MIPOL1: variants seen among roughly 807,000 people sequenced by gnomAD.
MIPOL1 encodes the protein mirror-image polydactyly gene 1 protein.
MIPOL1 carries 57 observed loss-of-function variants against 60.9 expected under a neutral mutation model. The observed-to-expected ratio is 0.94, with a 90% confidence interval of 0.76 to 1.17. MIPOL1 has a LOEUF of 1.17. MIPOL1 is among the 50% of genes most tolerant of loss of function. The pLI, the probability that MIPOL1 is intolerant of heterozygous loss-of-function variation, is 0.00. For synonymous variants in MIPOL1, 179 were observed against 168.8 expected, an observed-to-expected ratio of 1.06 and a Z score of -0.47; for missense variants, 551 against 511.6, an observed-to-expected ratio of 1.08 and a Z score of -0.74.
At chr14:37,441,627 T>C (rs966059613) in intron 11 of MIPOL1, among the ~76,000 whole-genome samples, 1 of 152,212 alleles carries the variant, frequency 6.6e-6, no homozygotes, top group African/African-American at 2.4e-5. Context: ...GCTGTTTTCG[T>C]TACTATAGCC....
intron 7 of MIPOL1, among the ~76,000 whole-genome samples, chr14:37,287,738 A>G (rs186919864): frequency 6.4e-4 from 97 of 152,290 alleles, no homozygotes; most frequent in Middle Eastern, 3.4e-3. Context: ...TGAGACTGAA[A>G]AAAAAGGTGT....
At chr14:37,219,275 G>A (rs1392326683) in intron 1 of MIPOL1, among the ~76,000 whole-genome samples, 1 of 152,220 alleles carries the variant, frequency 6.6e-6, no homozygotes, top group Non-Finnish European at 1.5e-5. Context: ...TGCAGAGACA[G>A]ACACAGAAAC....
In MIPOL1 at chr14:37,270,408, A is replaced by T. The variant is rs377432855; in HGVS notation, c.388-12A>T. 2 of 1,403,114 alleles carry T rather than the reference A, an allele frequency of 1.4e-6. No individual in the cohort carries two copies. Among genetic ancestry groups the T allele is most frequent in the Admixed American group, 2.3e-5 (1 of 42,758 alleles). 86.9% of individuals were successfully genotyped at this position (1,403,114 alleles called of 1,614,324 possible). The stretch of plus-strand genomic sequence containing the variant: ...CAAATAAGAATCCATGATTTTTTTC[A>T]ATGTGCTTTAGCTTCAGCAGAAATT... On this transcript the variant is annotated splice_polypyrimidine_tract_variant and intron_variant, in intron 5 of 12. Transcript: ENST00000684589.
intron 1 of MIPOL1, among the ~76,000 whole-genome samples, chr14:37,214,810 G>A (rs960252108): frequency 9.9e-5 from 15 of 152,062 alleles, no homozygotes; most frequent in African/African-American, 2.9e-4. Flanking sequence ...ATTACCAAGC[G>A]GACCGTGGTC....
chr14:37,276,004 A>T (rs1212745427), intron 6 of MIPOL1, among the ~76,000 whole-genome samples: 1 of 151,214 alleles, frequency 6.6e-6, no homozygotes, highest in African/African-American at 2.4e-5. Context: ...GAGAAGATGA[A>T]TTTGAGATCC....
At chr14:37,337,342 ATATATATATATATATTTTTT>A (rs2090207962) in intron 9 of MIPOL1, among the ~76,000 whole-genome samples, 2 of 22,358 alleles carry the variant, frequency 8.9e-5, no homozygotes, top group African/African-American at 4.6e-4. Flanking sequence ...ATATATATAT[ATATATATATATATATTTTTT>A]TTTTTTTTTT....
intron 7 of MIPOL1, among the ~76,000 whole-genome samples, chr14:37,288,475 T>C (rs1419964099): frequency 6.6e-6 from 1 of 152,074 alleles, no homozygotes; most frequent in East Asian, 1.9e-4. Flanking sequence ...TTAGGTTAAT[T>C]TATAGCTACT....
At chr14:37,350,014 T>C (rs1046293828) in intron 9 of MIPOL1, among the ~76,000 whole-genome samples, 1 of 152,200 alleles carries the variant, frequency 6.6e-6, no homozygotes, top group Non-Finnish European at 1.5e-5. Flanking sequence ...TTAATTTACA[T>C]TTGGTAAACA....
intron 9 of MIPOL1, among the ~76,000 whole-genome samples, chr14:37,342,594 C>T (rs2090651589): frequency 6.6e-6 from 1 of 151,896 alleles, no homozygotes; most frequent in African/African-American, 2.4e-5. Context: ...GACAGGGTTT[C>T]ACCATGTTGG....
At position 37,546,968 on chromosome 14, in the gene MIPOL1, C is replaced by A. The variant is rs769505711; in HGVS notation, c.1326C>A (p.Ile442=). ...KVGTGTMRTV[I] ...GAACCGGGACCATGAGGACAGTGAT[C>A]TGATTGAAAAAAAACGACAGTCTGG... is the stretch of plus-strand genomic sequence containing the variant. Residue 442 remains isoleucine (I), a synonymous_variant, in exon 13 of 13, where the codon ATC becomes ATA. Transcript: ENST00000684589. The A allele has an allele frequency of 4.0e-5, 64 of 1,607,912 alleles. No homozygotes were observed. The highest frequency in any genetic ancestry group is 5.4e-5 in the Non-Finnish European group (63 of 1,175,746).
intron 5 of MIPOL1, among the ~76,000 whole-genome samples, chr14:37,269,472 T>G (rs1309338372): frequency 6.6e-6 from 1 of 152,100 alleles, no homozygotes; most frequent in Non-Finnish European, 1.5e-5. Context: ...TTAGGAATGT[T>G]GATCATGTTT....
intron 5 of MIPOL1, among the ~76,000 whole-genome samples, chr14:37,270,184 A>C (rs1280325973): frequency 2.0e-5 from 3 of 152,138 alleles, no homozygotes; most frequent in African/African-American, 4.8e-5. Context: ...TTGCCTGTTC[A>C]TGCACATATA....
chr14:37,302,936 A>G (rs910836238), intron 7 of MIPOL1, among the ~76,000 whole-genome samples: 1 of 151,898 alleles, frequency 6.6e-6, no homozygotes, highest in East Asian at 1.9e-4. Context: ...TAATATAGTC[A>G]TTAAAACTTT....
In MIPOL1 at chr14:37,550,694, T is replaced by C. The variant is rs890701527; in HGVS notation, c.*3723T>C. On this transcript the variant is annotated 3_prime_UTR_variant, in exon 13 of 13. Transcript: ENST00000684589. ...TTTTGCTCGTGCTTAGCTAAATATGTCATCTCTAGAAAAGATGTGGTTTGT... is the reference window on the plus strand; with the variant it reads ...TTTTGCTCGTGCTTAGCTAAATATGCCATCTCTAGAAAAGATGTGGTTTGT... 6.6e-6 allele frequency: 1 copy of C among 152,516 alleles called. No individual in the cohort carries two copies. Among genetic ancestry groups the C allele is most frequent in the Non-Finnish European group, 1.5e-5 (1 of 67,962 alleles). The allele number at this position is 152,516 out of a possible 1,614,324, so 9.4% of individuals were successfully genotyped here.
At chr14:37,416,178 A>G (rs993526339) in intron 10 of MIPOL1, among the ~76,000 whole-genome samples, 1 of 152,178 alleles carries the variant, frequency 6.6e-6, no homozygotes, top group African/African-American at 2.4e-5. Context: ...TGTTAATGAT[A>G]AAGAGAATTC....
intron 10 of MIPOL1, among the ~76,000 whole-genome samples, chr14:37,420,219 A>T (rs2093848074): frequency 6.6e-6 from 1 of 152,124 alleles, no homozygotes; most frequent in Non-Finnish European, 1.5e-5. Flanking sequence ...CTCTGGAAGG[A>T]GGTACAATGG....
rs147418374 is a variant in MIPOL1 at position 37,488,230 on chromosome 14, G to T, written c.1032-11678G>T. On this transcript the variant is annotated intron_variant, in intron 11 of 12. Coordinates refer to ENST00000684589, the MANE Select transcript of MIPOL1 (RefSeq NM_001388067.1). Reference sequence around the variant, plus strand: ...CATTCTTTTGCATTTCCTGAGCAGTGTTTCACTTGCAATTATGTGATCAGA... The same window carrying T: ...CATTCTTTTGCATTTCCTGAGCAGTTTTTCACTTGCAATTATGTGATCAGA... Among the ~76,000 whole-genome samples, 827 of 152,256 alleles carry T rather than the reference G, an allele frequency of 5.4e-3. 6 individuals are homozygous for T. Among genetic ancestry groups the T allele is most frequent in the African/African-American group, 0.019 (790 of 41,548 alleles).
At chr14:37,426,984 G>A (rs1283745960) in intron 11 of MIPOL1, among the ~76,000 whole-genome samples, 1 of 152,060 alleles carries the variant, frequency 6.6e-6, no homozygotes, top group African/African-American at 2.4e-5. Context: ...AATTGATGCA[G>A]TCACTGTGGC....
At chr14:37,218,802 G>A (rs1415319156) in intron 1 of MIPOL1, among the ~76,000 whole-genome samples, 1 of 151,754 alleles carries the variant, frequency 6.6e-6, no homozygotes, top group Non-Finnish European at 1.5e-5. Flanking sequence ...GCCTGGTGTG[G>A]TAGTCCCAGC....
Sources: gnomAD v4.1 joint callset for allele counts (sites outside exome capture counted in the v4.1 genomes callset) on GRCh38, gnomAD v4.1.1 for gene constraint, MANE v1.5 for transcripts, NCBI Gene and HGNC (gene_info 2026-07-23, HGNC 2026-07-21) for gene names.